The following SORCS2 variants were observed in gnomAD, a reference collection of about 807,000 sequenced individuals.
SORCS2 encodes VPS10 domain-containing receptor SorCS2.
Under a neutral mutation model 141.6 loss-of-function variants are expected in SORCS2, and 100 were observed. The observed-to-expected ratio is 0.71, with a 90% CI of 0.60 to 0.83. The LOEUF is 0.83. Ranked by LOEUF, SORCS2 falls within the 40% of genes least tolerant of loss-of-function variation. The pLI is 0.00. For synonymous variants in SORCS2, 789 were observed against 676.9 expected (o/e 1.17, Z -2.57); for missense variants, 1,646 against 1,560.2 (o/e 1.05, Z -0.93).
At chr4:7,455,210 T>C (rs1451032992) in intron 2 of SORCS2, among the ~76,000 whole-genome samples, 3 of 34,198 alleles carry the variant, frequency 8.8e-5, no homozygotes, top group African/African-American at 2.7e-4. Flanking sequence ...GGTCAGGCTC[T>C]GTGTTGGGGT....
intron 1 of SORCS2, among the ~76,000 whole-genome samples, chr4:7,308,735 C>A (rs3846428): frequency 0.52 from 77,824 of 151,066 alleles, 21,337 homozygotes; most frequent in South Asian, 0.63. Context: ...GCACCCTGTC[C>A]TCTCTCTCCA....
At chr4:7,483,652 G>A (rs34378442) in intron 2 of SORCS2, among the ~76,000 whole-genome samples, 11,885 of 151,912 alleles carry the variant, frequency 0.078, 735 homozygotes, top group East Asian at 0.24. Flanking sequence ...CAATGCCCAC[G>A]TGTCTTCCAA....
At chr4:7,372,015 G>A (rs781395068) in intron 1 of SORCS2, among the ~76,000 whole-genome samples, 5 of 152,208 alleles carry the variant, frequency 3.3e-5, no homozygotes, top group African/African-American at 9.7e-5. Flanking sequence ...AGGAAAGGAC[G>A]AGAGCAGTAT....
chr4:7,697,538 C>T (rs1577087043), intron 12 of SORCS2, among the ~76,000 whole-genome samples: 1 of 152,234 alleles, frequency 6.6e-6, no homozygotes, highest in African/African-American at 2.4e-5. Context: ...GTGACAGATG[C>T]AAGAAACGTC....
chr4:7,337,398 C>T (rs6825152), intron 1 of SORCS2, among the ~76,000 whole-genome samples: 9 of 151,860 alleles, frequency 5.9e-5, no homozygotes, highest in Admixed American at 3.9e-4. Context: ...AGAAGGTGCC[C>T]GCACTGGATC....
chr4:7,718,532 T>G (rs1726358596), intron 18 of SORCS2, among the ~76,000 whole-genome samples: 1 of 152,244 alleles, frequency 6.6e-6, no homozygotes, highest in African/African-American at 2.4e-5. Flanking sequence ...TGGTAATACA[T>G]TTTTAAAGCC....
At chr4:7,324,061 G>T (rs569405657) in intron 1 of SORCS2, among the ~76,000 whole-genome samples, 1 of 152,358 alleles carries the variant, frequency 6.6e-6, no homozygotes, top group South Asian at 2.1e-4. Flanking sequence ...TTCCCAGCCA[G>T]GGTCTTGCAG....
chr4:7,543,642 ATCCG>A (rs1712908036), intron 3 of SORCS2, among the ~76,000 whole-genome samples: 1 of 141,294 alleles, frequency 7.1e-6, no homozygotes, highest in Non-Finnish European at 1.5e-5. Context: ...CCATCCGTCC[ATCCG>A]TCCATCCATC....
chr4:7,345,738 G>A (rs111349120), intron 1 of SORCS2, among the ~76,000 whole-genome samples: 1,963 of 152,308 alleles, frequency 0.013, 20 homozygotes, highest in African/African-American at 0.033. Flanking sequence ...GCACATCAGC[G>A]AAGCTCAAAA....
intron 2 of SORCS2, among the ~76,000 whole-genome samples, chr4:7,521,234 G>C (rs1332932997): frequency 6.6e-6 from 1 of 152,130 alleles, no homozygotes; most frequent in African/African-American, 2.4e-5. Flanking sequence ...AGGGCATCCT[G>C]CTCTCTCCCT....
In SORCS2 at chr4:7,704,246, G is replaced by T; in HGVS notation, c.1830G>T (p.Gly610=). 1 of 1,612,852 alleles carries T rather than the reference G, an allele frequency of 6.2e-7. No individual in the cohort carries two copies. ...CCAGCACCTCGGTGTTTGTGGACGGGCTGCTGAGTGAGCCAGGGGACGAGA... is the reference window on the plus strand; with the variant it reads ...CCAGCACCTCGGTGTTTGTGGACGGTCTGCTGAGTGAGCCAGGGGACGAGA... ...NFTSTSVFVD[G]LLSEPGDETL... Residue 610 remains glycine, a synonymous_variant, in exon 14 of 27, where the codon GGG becomes GGT. Coordinates refer to ENST00000507866, the MANE Select transcript of SORCS2 (RefSeq NM_020777.3).
chr4:7,512,249 G>T (rs1407104023), intron 2 of SORCS2, among the ~76,000 whole-genome samples: 1 of 151,960 alleles, frequency 6.6e-6, no homozygotes, highest in Admixed American at 6.6e-5. Flanking sequence ...CTCTGTGGCC[G>T]CATCTCGAAG....
Position 7,356,339 on chromosome 4 carries a change from A to G in SORCS2, c.481-39949A>G, listed in dbSNP as rs143530551. Among the ~76,000 whole-genome samples, 397 of 152,280 alleles carry G rather than the reference A, an allele frequency of 2.6e-3. 2 individuals carry two copies. Among genetic ancestry groups the G allele is most frequent in the Admixed American group, 4.9e-3 (75 of 15,308 alleles). ...ATATCACAGACTGAGGGCTTCAACA[A>G]CAGACATATGTTTGGGGGCTGGGAA... On this transcript the variant is annotated intron_variant, in intron 1 of 26. Coordinates refer to ENST00000507866, the MANE Select transcript of SORCS2 (RefSeq NM_020777.3).
At chr4:7,557,750 G>A (rs1714241905) in intron 3 of SORCS2, among the ~76,000 whole-genome samples, 1 of 152,300 alleles carries the variant, frequency 6.6e-6, no homozygotes, top group East Asian at 1.9e-4. Context: ...TCTGAAAGGG[G>A]CAGTGGTTTG....
At chr4:7,264,881 C>T (rs1178428884) in intron 1 of SORCS2, among the ~76,000 whole-genome samples, 1 of 152,258 alleles carries the variant, frequency 6.6e-6, no homozygotes, top group East Asian at 1.9e-4. Context: ...GTCCTGCCCT[C>T]ACCCTGCCAT....
At chr4:7,668,924 T>C (rs898779112) in intron 8 of SORCS2, among the ~76,000 whole-genome samples, 2 of 151,972 alleles carry the variant, frequency 1.3e-5, no homozygotes, top group African/African-American at 2.4e-5. Context: ...CCCTCTAGCA[T>C]TGGAGGCTGG....
At chr4:7,640,206 A>G (rs1313394302) in intron 4 of SORCS2, among the ~76,000 whole-genome samples, 1 of 126,562 alleles carries the variant, frequency 7.9e-6, no homozygotes, top group African/African-American at 3.1e-5. Context: ...GTGAGTGTGT[A>G]CATGTATGGG....
At chr4:7,202,577 C>T (rs1195264984) in intron 1 of SORCS2, among the ~76,000 whole-genome samples, 3 of 152,178 alleles carry the variant, frequency 2.0e-5, no homozygotes, top group East Asian at 3.8e-4. Context: ...ATGTTGAGCT[C>T]GCCTTGACTC....
chr4:7,315,085 G>C (rs949343883), intron 1 of SORCS2, among the ~76,000 whole-genome samples: 5 of 151,558 alleles, frequency 3.3e-5, no homozygotes, highest in African/African-American at 1.2e-4. Flanking sequence ...CACCGACCTC[G>C]GCCTCCCAAA....
Sources: allele counts gnomAD v4.1 joint callset (sites outside exome capture counted in the v4.1 genomes callset), GRCh38; gene constraint gnomAD v4.1.1; transcripts MANE v1.5; gene names NCBI Gene and HGNC (gene_info 2026-07-23, HGNC 2026-07-21).